The following DNAJC17 variants were observed in gnomAD, a reference collection of about 807,000 sequenced individuals.
DNAJC17 encodes the protein dnaJ homolog subfamily C member 17.
A neutral mutation model predicts 48.1 loss-of-function variants in DNAJC17; 35 were observed. That is an observed-to-expected ratio of 0.73 (90% CI 0.56 to 0.96). The LOEUF (loss-of-function observed/expected upper bound fraction) is 0.96, where lower values mean the gene tolerates loss of function less well. DNAJC17 is among the 50% of genes least tolerant of loss of function. The pLI is 0.00. For missense variants in DNAJC17, 355 were observed against 377.1 expected (o/e 0.94, Z 0.48); for synonymous variants, 117 against 142.7 (o/e 0.82, Z 1.28).
rs759455673 is a variant in DNAJC17 at position 40,773,743 on chromosome 15, T to A, written c.776A>T (p.His259Leu). 3 of 1,613,782 alleles carry A rather than the reference T, an allele frequency of 1.9e-6. No individual in the cohort carries two copies. The highest frequency in any genetic ancestry group is 2.2e-5 in the East Asian group (1 of 44,882). Residue 259 changes from histidine to leucine, a missense_variant, in exon 10 of 11, where the codon CAC becomes CTC. This residue lies in a region of DNAJC17 where 88 missense variants were observed against 67.7 expected (regional missense o/e 1.30). Transcript: ENST00000220496. The stretch of plus-strand genomic sequence containing the variant: ...ACTCCTCACCTTTGACAGTCCTGAG[T>A]GGCTGCGGCCCACGGCATCCTGGGG... ...GQPQDAVGRS[H>L]SGLSKGSVLS...
chr15:40,771,276 C>A, intron 10 of DNAJC17: 1 of 538,790 alleles, frequency 1.9e-6, no homozygotes, highest in Non-Finnish European at 3.4e-6. Context: ...CCCTTCCTGG[C>A]AGGACCCTGA....
chr15:40,797,100 T>C (rs1174442649), intron 1 of DNAJC17, among the ~76,000 whole-genome samples: 2 of 152,112 alleles, frequency 1.3e-5, no homozygotes, highest in African/African-American at 4.8e-5. Context: ...CCAGGGATCG[T>C]AGCTCATGCC....
chr15:40,771,303 CGGG>C (rs1889133478), intron 10 of DNAJC17: 1 of 453,186 alleles, frequency 2.2e-6, no homozygotes, highest in African/African-American at 2.5e-5. Context: ...CTGGCTATGC[CGGG>C]AAAGGGAGGC....
chr15:40,769,779 G>A lies in DNAJC17; in HGVS notation c.793-1717C>T, dbSNP rs1889073947. 6.6e-6 allele frequency among the ~76,000 whole-genome samples: 1 copy of A among 152,204 alleles called. No individual in the cohort carries two copies. ...GGGTGGTGGGGCTGTGATCAGAAAGGAAGCCGCGTGGTGACACATAAAGCA... is the reference window on the plus strand; with the variant it reads ...GGGTGGTGGGGCTGTGATCAGAAAGAAAGCCGCGTGGTGACACATAAAGCA... On this transcript the variant is annotated intron_variant, in intron 10 of 10. Coordinates refer to ENST00000220496, the MANE Select transcript of DNAJC17 (RefSeq NM_018163.3). This position sits in a 1 kb window ranked among gnomAD's most constrained non-coding sequence, Gnocchi z 4.2.
chr15:40,767,650 G>T lies in DNAJC17; in HGVS notation c.*290C>A. On this transcript the variant is annotated 3_prime_UTR_variant, in exon 11 of 11. Transcript: ENST00000220496. ...CCGGGCCGGAGCTGGGCACTCCAGC[G>T]GCCCTGGCGCGTGGCTCCTGCATAG... 5 of 581,902 alleles carry T rather than the reference G, an allele frequency of 8.6e-6. No homozygotes were observed. 36.0% of individuals were successfully genotyped at this position (581,902 alleles called of 1,614,324 possible).
rs551063554 is a variant in DNAJC17 at position 40,805,687 on chromosome 15, G to A, written c.78+1682C>T. 2.3e-4 allele frequency among the ~76,000 whole-genome samples: 35 copies of A among 151,718 alleles called. No homozygotes were observed. The South Asian group carries it at 6.2e-3, about 27-fold the overall frequency. ...CTACTAAAAATAAAAATTATTAGCC[G>A]GGCATGGTGGCAGGCGCCTGTAGTC... On this transcript the variant is annotated intron_variant, in intron 1 of 10. Coordinates refer to ENST00000220496, the MANE Select transcript of DNAJC17 (RefSeq NM_018163.3).
At chr15:40,768,535 G>A (rs527690785) in intron 10 of DNAJC17, among the ~76,000 whole-genome samples, 2 of 152,334 alleles carry the variant, frequency 1.3e-5, no homozygotes, top group South Asian at 4.1e-4. Context: ...CTGTGGTCTG[G>A]CTCTTGCTGA....
intron 1 of DNAJC17, chr15:40,780,494 TC>T (rs781000209): frequency 2.7e-6 from 1 of 370,568 alleles, no homozygotes; most frequent in East Asian, 7.3e-5. Flanking sequence ...CCAGCCAAGA[TC>T]CCCATCAACG....
In DNAJC17 at chr15:40,774,210, G is replaced by A. The variant is rs1425120923; in HGVS notation, c.681+146C>T. On this transcript the variant is annotated intron_variant, in intron 9 of 10. Coordinates refer to ENST00000220496, the MANE Select transcript of DNAJC17 (RefSeq NM_018163.3). The stretch of plus-strand genomic sequence containing the variant: ...CGGTGCCTCTATTTCCAGGAGTCAG[G>A]GGCCCCTGGGAAGAGCCTTGGCTCT... The A allele has an allele frequency of 3.3e-6, 3 of 895,934 alleles. No homozygotes were observed. In the African/African-American group the frequency reaches 5.0e-5, roughly 15 times the overall value. 55.5% of individuals were successfully genotyped at this position (895,934 alleles called of 1,614,324 possible). A position where few individuals can be genotyped will look rare whatever the true frequency, so the allele number is the denominator to read the frequency against.
chr15:40,770,271 G>A lies in DNAJC17; in HGVS notation c.793-2209C>T. ...ACTCCTGTCCCTGTGGGAAACTCTT[G>A]CTGCCAGGAACTCCCAGCTGTCTGC... On this transcript the variant is annotated intron_variant, in intron 10 of 10. Transcript: ENST00000220496. The surrounding 1 kb of genome is among the most constrained non-coding windows in gnomAD (Gnocchi z 5.0). 3.5e-6 allele frequency: 2 copies of A among 569,622 alleles called. No individual in the cohort carries two copies. The highest frequency in any genetic ancestry group is 3.1e-6 in the Non-Finnish European group (1 of 322,532). The allele number at this position is 569,622 out of a possible 1,614,324, so 35.3% of individuals were successfully genotyped here. A position where few individuals can be genotyped will look rare whatever the true frequency, so the allele number is the denominator to read the frequency against.
intron 4 of DNAJC17, 147 bp downstream of exon 4, chr15:40,779,076 G>C (rs763583030): frequency 9.1e-6 from 7 of 765,404 alleles, no homozygotes; most frequent in Non-Finnish European, 1.4e-5. Context: ...GTGTCTTTAG[G>C]AACCAACCTC....
intron 1 of DNAJC17, among the ~76,000 whole-genome samples, chr15:40,802,239 CA>C (rs1275083814): frequency 6.7e-6 from 1 of 149,748 alleles, no homozygotes; most frequent in East Asian, 2.0e-4. Flanking sequence ...GGCTTGATCT[CA>C]GCTCACTGCA....
chr15:40,770,235 G>T lies in DNAJC17; in HGVS notation c.793-2173C>A, dbSNP rs1889090190. ...GGGTTTTTTTCCACTACCCTATTCA[G>T]TAACCAGGCCACTCCTGTCCCTGTG... On this transcript the variant is annotated intron_variant, in intron 10 of 10. Transcript: ENST00000220496. The surrounding 1 kb of genome is among the most constrained non-coding windows in gnomAD (Gnocchi z 5.0). 9.9e-6 allele frequency: 5 copies of T among 506,270 alleles called. No individual in the cohort carries two copies. The highest frequency in any genetic ancestry group is 1.9e-5 in the African/African-American group (1 of 51,950). 31.4% of individuals were successfully genotyped at this position (506,270 alleles called of 1,614,324 possible).
chr15:40,779,163 G>T, intron 4 of DNAJC17, 60 bp downstream of exon 4: 2 of 1,505,132 alleles, frequency 1.3e-6, no homozygotes, highest in South Asian at 1.1e-5. Flanking sequence ...TCAGGTGAGG[G>T]AGATGAATGA....
chr15:40,775,273 C>T (rs1410163135), intron 7 of DNAJC17, 165 bp from the exon 8 acceptor site: 3 of 813,296 alleles, frequency 3.7e-6, no homozygotes, highest in African/African-American at 3.4e-5. Context: ...AACTTGAAGG[C>T]AGGATGGCCT....
intron 1 of DNAJC17, among the ~76,000 whole-genome samples, chr15:40,793,736 A>G (rs1390610377): frequency 6.6e-6 from 1 of 151,922 alleles, no homozygotes; most frequent in Non-Finnish European, 1.5e-5. Context: ...ACTCATAGTG[A>G]GCGCTCACTC....
rs547017081 is a variant in DNAJC17 at position 40,769,197 on chromosome 15, G to A, written c.793-1135C>T. ...AGTCCCAGCTAGGCCGGACTGCTAA[G>A]CCTGGCCCAGAGCACGGCTGACAAT... On this transcript the variant is annotated intron_variant, in intron 10 of 10. Coordinates refer to ENST00000220496, the MANE Select transcript of DNAJC17 (RefSeq NM_018163.3). The surrounding 1 kb of genome is among the most constrained non-coding windows in gnomAD (Gnocchi z 4.2). Among the ~76,000 whole-genome samples the A allele has an allele frequency of 2.5e-4, 38 of 152,326 alleles. No individual in the cohort carries two copies. The highest frequency in any genetic ancestry group is 7.9e-4 in the African/African-American group (33 of 41,562).
chr15:40,765,914 A>G lies in DNAJC17; in HGVS notation c.*2026T>C. Reference sequence around the variant, plus strand: ...GGCTTCAAAGAGAAGAGCCTTGGGAAACAACTTGTAAGTAGCAGCCTCCCT... The same window carrying G: ...GGCTTCAAAGAGAAGAGCCTTGGGAGACAACTTGTAAGTAGCAGCCTCCCT... On this transcript the variant is annotated 3_prime_UTR_variant, in exon 11 of 11. Coordinates refer to ENST00000220496, the MANE Select transcript of DNAJC17 (RefSeq NM_018163.3). 1 of 1,550,830 alleles carries G rather than the reference A, an allele frequency of 6.4e-7. No homozygotes were observed. The highest frequency in any genetic ancestry group is 1.2e-5 in the South Asian group (1 of 86,226).
intron 1 of DNAJC17, chr15:40,780,562 C>T (rs141181533): frequency 0.021 from 7,430 of 357,934 alleles, 102 homozygotes; most frequent in Non-Finnish European, 0.03. Flanking sequence ...GCCTGTCATC[C>T]CAGCACTTTG....
Sources: gnomAD v4.1 joint callset for allele counts (sites outside exome capture counted in the v4.1 genomes callset) on GRCh38, gnomAD v4.1.1 for gene constraint, gnomAD v4.1.1 regional missense constraint, Gnocchi (gnomAD v3.1) non-coding constraint, MANE v1.5 for transcripts, NCBI Gene and HGNC (gene_info 2026-07-23, HGNC 2026-07-21) for gene names.